The following MED12 variants were observed in gnomAD, a reference collection of about 807,000 sequenced individuals.
MED12 encodes mediator of RNA polymerase II transcription subunit 12.
In MED12, 10 loss-of-function variants were observed where a neutral mutation model predicts 177.7. The ratio of observed to expected loss-of-function variants is 0.06; its 90% CI spans 0.03 to 0.10. The LOEUF (loss-of-function observed/expected upper bound fraction) is 0.10. Among genes scored for constraint, MED12 ranks in the 10% least tolerant of loss-of-function variants. MED12 has a pLI of 1.00. For synonymous variants in MED12, 641 were observed against 678.4 expected, an observed-to-expected ratio of 0.94 and a Z score of 0.86; for missense variants, 867 against 1,780.8, an observed-to-expected ratio of 0.49 and a Z score of 9.23.
In MED12 at chrX:71,127,467, G is replaced by T; in HGVS notation, c.2981G>T (p.Ser994Ile). The T allele has an allele frequency of 8.3e-7, 1 of 1,203,826 alleles. No homozygotes were observed. ...AAGAACAAATTTGGGGAGCTCTTCA[G>T]GTAAGAGAGGTGGAAGGTAAGGGGT... Reference protein sequence around the residue: ...HLKNKFGELFSDFCSKVKNTI... With the variant: ...HLKNKFGELFIDFCSKVKNTI... Residue 994 changes from serine to isoleucine, a missense_variant and splice_region_variant, in exon 21 of 45, where the codon AGC (serine) becomes ATC (isoleucine). This residue lies in a region of MED12 where 70 missense variants were observed against 143.6 expected (regional missense o/e 0.49). Transcript: ENST00000374080.
chrX:71,139,536 T>C, intron 41 of MED12, among the ~76,000 whole-genome samples: 1 of 109,645 alleles, frequency 9.1e-6, no homozygotes. Flanking sequence ...AGAAGAGTGA[T>C]AGGAGGAGTT....
intron 7 of MED12, 121 bp downstream of exon 7, chrX:71,121,937 G>A: frequency 9.5e-7 from 1 of 1,057,968 alleles, no homozygotes; most frequent in Non-Finnish European, 1.3e-6. Flanking sequence ...GTACTTGCTT[G>A]GAGGTTGTTG....
chrX:71,135,138 A>G lies in MED12; in HGVS notation c.4910A>G (p.Gln1637Arg). ...RQSDSLEKVRQLLPLPKQTRD... is the reference protein window; with the variant it reads ...RQSDSLEKVRRLLPLPKQTRD... ...TCAGACAGTCTGGAAAAGGTTCGCC[A>G]GCTGCTGCCACTGCCCAAGCAGACC... The change falls in exon 36 of 45, where the codon CAG (glutamine) becomes CGG (arginine). Residue 1637 changes from glutamine (Q) to arginine (R), a missense_variant. Coordinates refer to ENST00000374080, the MANE Select transcript of MED12 (RefSeq NM_005120.3). 8.3e-7 allele frequency: 1 copy of G among 1,211,541 alleles called. No individual in the cohort carries two copies. The highest frequency in any genetic ancestry group is 1.1e-6 in the Non-Finnish European group (1 of 895,419).
intron 36 of MED12, among the ~76,000 whole-genome samples, chrX:71,135,835 GTTTC>G (rs1042808153): frequency 1.3e-4 from 14 of 110,157 alleles, no homozygotes; most frequent in Admixed American, 3.9e-4. Flanking sequence ...CTCTCTTCCT[GTTTC>G]TTTCTCTCTC....
intron 21 of MED12, 80 bp downstream of exon 21, chrX:71,127,547 A>G (rs999527422): frequency 1.1e-5 from 10 of 923,135 alleles, no homozygotes; most frequent in Non-Finnish European, 1.6e-5. Flanking sequence ...GGAGGAGAGG[A>G]TGGCCCGGGA....
chrX:71,133,056 T>TA (rs1326838816), intron 32 of MED12, 67 bp from the exon 33 acceptor site: 3 of 1,028,971 alleles, frequency 2.9e-6, no homozygotes, highest in Non-Finnish European at 2.7e-6. Flanking sequence ...CTGATAAACA[T>TA]ATTGGCTGCT....
chrX:71,121,183 T>G (rs2092288516), intron 5 of MED12, 31 bp downstream of exon 5: 4 of 1,208,276 alleles, frequency 3.3e-6, no homozygotes, highest in Non-Finnish European at 4.5e-6. Context: ...TGTGGGGCAT[T>G]GGGTTGAGCT....
chrX:71,119,971 C>T lies in MED12; in HGVS notation c.397-43C>T, dbSNP rs368394234. 5 of 1,207,133 alleles carry T rather than the reference C, an allele frequency of 4.1e-6. No homozygotes were observed. The African/African-American group carries it at 8.7e-5, about 21-fold the overall frequency. ...ATATTAAGCTACATGGGTGTCAGCT[C>T]ATGGGGATAATAGAGACCTCACTAT... On this transcript the variant is annotated intron_variant, in intron 3 of 44. Transcript: ENST00000374080.
intron 41 of MED12, among the ~76,000 whole-genome samples, chrX:71,139,697 G>A (rs761800435): frequency 1.3e-4 from 14 of 110,750 alleles, no homozygotes; most frequent in African/African-American, 4.6e-4. Context: ...TCAGGAGTTC[G>A]AGACCAGCCT....
intron 4 of MED12, 137 bp downstream of exon 4, chrX:71,120,307 A>G (rs2092286171): frequency 1.5e-6 from 1 of 674,538 alleles, no homozygotes; most frequent in African/African-American, 2.2e-5. Flanking sequence ...GTAAACACTG[A>G]GAAATTTGAG....
At chrX:71,129,032 G>C in intron 24 of MED12, 82 bp from the exon 25 acceptor site, 2 of 755,513 alleles carry the variant, frequency 2.6e-6, no homozygotes, top group East Asian at 6.3e-5. Context: ...CCATACACTT[G>C]CATGCATGCA....
At chrX:71,135,834 T>G (rs1293783366) in intron 36 of MED12, among the ~76,000 whole-genome samples, 1 of 111,198 alleles carries the variant, frequency 9.0e-6, no homozygotes, top group Non-Finnish European at 1.9e-5. Context: ...TCTCTCTTCC[T>G]GTTTCTTTCT....
In MED12 at chrX:71,133,161, T is replaced by C. The variant is rs1243939574; in HGVS notation, c.4566T>C (p.Asp1522=). ...NNWRDDQYLD[D]CKPKQLMHEA... ...GGCGAGATGACCAGTACTTAGATGA[T>C]TGCAAACCAAAGCAGCTTATGCATG... The change falls in exon 33 of 45, where the codon GAT becomes GAC. Residue 1522 remains aspartate (D), a synonymous_variant. Transcript: ENST00000374080. 9.1e-6 allele frequency: 11 copies of C among 1,205,855 alleles called. No homozygotes were observed. The highest frequency in any genetic ancestry group is 4.4e-5 in the Admixed American group (2 of 45,650).
chrX:71,134,985 T>TACTG, intron 35 of MED12, 107 bp from the exon 36 acceptor site: 1 of 1,154,506 alleles, frequency 8.7e-7, no homozygotes, highest in Non-Finnish European at 1.2e-6. Context: ...CGTGAGCATT[T>TACTG]ACTGAGTGGG....
chrX:71,140,752 G>C lies in MED12; in HGVS notation c.6162G>C (p.Gln2054His), dbSNP rs1475713298. The change falls in exon 42 of 45, where the codon CAG becomes CAC. Residue 2054 changes from glutamine (Q) to histidine (H), a missense_variant. Physicochemically the swap from Gln to His is conservative, Grantham distance 24 (BLOSUM62 0). Around this residue, in one of 14 missense-constraint regions of MED12, gnomAD observed 236 missense variants for 345.2 expected, o/e 0.68. Transcript: ENST00000374080. Reference sequence around the variant, plus strand: ...CCATCCTACCTGAGCAGCAGCAGCAGCAGCAACAGCAGCAACAGCAACAGC... The same window carrying C: ...CCATCCTACCTGAGCAGCAGCAGCACCAGCAACAGCAGCAACAGCAACAGC... The part of the protein sequence containing the change: ...STAILPEQQQ[Q>H]QQQQQQQQQQ... The C allele has an allele frequency of 8.3e-7, 1 of 1,206,804 alleles. No individual in the cohort carries two copies. The highest frequency in any genetic ancestry group is 1.1e-6 in the Non-Finnish European group (1 of 894,238).
In MED12 at chrX:71,140,714, G is replaced by A. The variant is rs755577187; in HGVS notation, c.6124G>A (p.Val2042Ile). 1.5e-5 allele frequency: 18 copies of A among 1,206,917 alleles called. No homozygotes were observed. The highest frequency in any genetic ancestry group is 1.8e-5 in the African/African-American group (1 of 56,107). ...GAGTGCCCAGGGCGTCCAGGCAGGC[G>A]TCCGTTCAACAGCCATCCTACCTGA... The part of the protein sequence containing the change: ...PMSAQGVQAG[V>I]RSTAILPEQQ... The change falls in exon 42 of 45, where the codon GTC (valine) becomes ATC (isoleucine). Residue 2042 changes from valine (V) to isoleucine (I), a missense_variant. By Grantham distance (29) the Val-to-Ile change is conservative (BLOSUM62 3). This residue lies in a region of MED12 where 236 missense variants were observed against 345.2 expected (regional missense o/e 0.68). Coordinates refer to ENST00000374080, the MANE Select transcript of MED12 (RefSeq NM_005120.3).
intron 37 of MED12, 105 bp downstream of exon 37, chrX:71,136,760 A>G (rs1193465127): frequency 8.5e-7 from 1 of 1,179,650 alleles, no homozygotes; most frequent in African/African-American, 1.8e-5. Flanking sequence ...GGGTGCCATT[A>G]GAATCATAAT....
intron 34 of MED12, 73 bp downstream of exon 34, chrX:71,134,539 C>T: frequency 1.1e-6 from 1 of 916,941 alleles, no homozygotes; most frequent in Admixed American, 2.5e-5. Flanking sequence ...CAGGTGCACC[C>T]ACTGAGATTG....
chrX:71,136,858 C>G, intron 37 of MED12, 21 bp from the exon 38 acceptor site: 1 of 1,211,477 alleles, frequency 8.3e-7, no homozygotes, highest in Non-Finnish European at 1.1e-6. Flanking sequence ...CACTCACCCT[C>G]TTCCTCTGCC....
Sources: gnomAD v4.1 joint callset for allele counts (sites outside exome capture counted in the v4.1 genomes callset) on GRCh38, gnomAD v4.1.1 for gene constraint, gnomAD v4.1.1 regional missense constraint, MANE v1.5 for transcripts, NCBI Gene and HGNC (gene_info 2026-07-23, HGNC 2026-07-21) for gene names.